The following GRAMD1C variants were observed in gnomAD, a reference collection of about 807,000 sequenced individuals.
The protein encoded by GRAMD1C is GRAM domain containing 1C.
A neutral mutation model predicts 97.8 loss-of-function variants in GRAMD1C; 89 were observed. That is an observed-to-expected ratio of 0.91 (90% CI 0.77 to 1.09). The LOEUF (loss-of-function observed/expected upper bound fraction) is 1.09, where lower values mean the gene tolerates loss of function less well. Ranked by LOEUF, GRAMD1C falls within the 50% of genes least tolerant of loss-of-function variation. The pLI is 0.00. For missense variants in GRAMD1C, 740 were observed against 766.4 expected, an observed-to-expected ratio of 0.97 and a Z score of 0.41; for synonymous variants, 256 against 267.0, an observed-to-expected ratio of 0.96 and a Z score of 0.40.
rs1559817999 is a variant in GRAMD1C at position 113,924,090 on chromosome 3, G to GT, written c.1091-6624_1091-6623insT. 1.6e-3 allele frequency among the ~76,000 whole-genome samples: 179 copies of GT among 113,718 alleles called. 1 individual carries two copies. Among genetic ancestry groups the GT allele is most frequent in the African/African-American group, 4.8e-3 (165 of 34,110 alleles). 74.6% of individuals were successfully genotyped at this position (113,718 alleles called of 152,430 possible). Reference sequence around the variant, plus strand: ...TAGAGGTGTTCATAATAGTCTCTGGGGTTTTTTTTTTTTTTTCTGTGGGGT... The same window carrying GT: ...TAGAGGTGTTCATAATAGTCTCTGGGTGTTTTTTTTTTTTTTTCTGTGGGGT... On this transcript the variant is annotated intron_variant, in intron 10 of 17. Transcript: ENST00000358160.
chr3:113,849,466 G>C (rs1332806881), intron 2 of GRAMD1C, among the ~76,000 whole-genome samples: 1 of 151,556 alleles, frequency 6.6e-6, no homozygotes, highest in African/African-American at 2.4e-5. Context: ...TGTGTCCCTG[G>C]GTACTTGAGA....
At chr3:113,856,887 T>G (rs562723266) in intron 2 of GRAMD1C, among the ~76,000 whole-genome samples, 2 of 150,900 alleles carry the variant, frequency 1.3e-5, no homozygotes, top group African/African-American at 4.9e-5. Flanking sequence ...TTGCCCAGAC[T>G]GGAGTGCTGT....
intron 2 of GRAMD1C, among the ~76,000 whole-genome samples, chr3:113,849,294 TA>T (rs1404405539): frequency 3.2e-4 from 48 of 150,234 alleles, no homozygotes; most frequent in South Asian, 6.3e-4. Context: ...TTTATTTATT[TA>T]TTTATTTATT....
intron 10 of GRAMD1C, among the ~76,000 whole-genome samples, chr3:113,916,716 T>A (rs1477590902): frequency 6.6e-6 from 1 of 152,182 alleles, no homozygotes; most frequent in Non-Finnish European, 1.5e-5. Flanking sequence ...AGCTGTACAC[T>A]TGAGATTGCA....
intron 9 of GRAMD1C, 141 bp downstream of exon 9, chr3:113,909,261 T>G (rs1936477839): frequency 9.4e-6 from 4 of 425,734 alleles, no homozygotes; most frequent in Non-Finnish European, 1.6e-5. Flanking sequence ...GAATGGGAGC[T>G]TATAGAAAAT....
chr3:113,936,351 A>C lies in GRAMD1C; in HGVS notation c.1542A>C (p.Arg514=). Residue 514 remains arginine (R), a synonymous_variant, in exon 14 of 18, where the codon CGA becomes CGC. Transcript: ENST00000358160. The part of the protein sequence containing the change: ...GKLTGLRRRR[R]TFNRTAETVP... ...TTACTGGCCTACGAAGGAGAAGGCGAACCTTCAACCGAACAGCAGAAACAG... is the reference window on the plus strand; with the variant it reads ...TTACTGGCCTACGAAGGAGAAGGCGCACCTTCAACCGAACAGCAGAAACAG... 6.2e-7 allele frequency: 1 copy of C among 1,612,756 alleles called. No homozygotes were observed. Among genetic ancestry groups the C allele is most frequent in the Non-Finnish European group, 8.5e-7 (1 of 1,178,758 alleles).
chr3:113,871,808 G>T (rs561381460), intron 3 of GRAMD1C, among the ~76,000 whole-genome samples: 1 of 150,588 alleles, frequency 6.6e-6, no homozygotes, highest in Non-Finnish European at 1.5e-5. Flanking sequence ...GGACATGGTG[G>T]CATGCACCTG....
chr3:113,854,361 A>G (rs1052904993), intron 2 of GRAMD1C, among the ~76,000 whole-genome samples: 2 of 152,138 alleles, frequency 1.3e-5, no homozygotes, highest in African/African-American at 4.8e-5. Flanking sequence ...GGACTCTCCA[A>G]TGTTCAAAAC....
At chr3:113,908,140 G>A (rs78441759) in intron 8 of GRAMD1C, among the ~76,000 whole-genome samples, 6,171 of 152,258 alleles carry the variant, frequency 0.041, 153 homozygotes, top group Middle Eastern at 0.082. Flanking sequence ...GGGACAGGAA[G>A]TAAAGTGCTC....
Position 113,920,020 on chromosome 3 carries a change from T to A in GRAMD1C, c.1090+4182T>A. ...AACAATCAGATGTGAACCAAAAAGT[T>A]TCAGTAAGGTACTTTTTGAATTTAG... On this transcript the variant is annotated intron_variant, in intron 10 of 17. Transcript: ENST00000358160. 4 of 774,558 alleles carry A rather than the reference T, an allele frequency of 5.2e-6. No individual in the cohort carries two copies. In the South Asian group the frequency reaches 5.9e-5, roughly 11 times the overall value. The allele number at this position is 774,558 out of a possible 1,614,324, so 48.0% of individuals were successfully genotyped here.
chr3:113,915,400 C>T (rs1936773583), intron 9 of GRAMD1C, among the ~76,000 whole-genome samples: 3 of 151,994 alleles, frequency 2.0e-5, no homozygotes, highest in Admixed American at 6.6e-5. Context: ...ATATTATGGC[C>T]ATTTGATACC....
chr3:113,844,323 A>C (rs1933511062), intron 1 of GRAMD1C, among the ~76,000 whole-genome samples, 180 bp from the exon 2 acceptor site: 1 of 152,188 alleles, frequency 6.6e-6, no homozygotes, highest in Admixed American at 6.5e-5. Context: ...ATTTAAAAAA[A>C]ATAAAAATAA....
chr3:113,856,523 T>TTATGTATGTATG lies in GRAMD1C; in HGVS notation c.174+11886_174+11897dup, dbSNP rs10660348. On this transcript the variant is annotated intron_variant, in intron 2 of 17. Coordinates refer to ENST00000358160, the MANE Select transcript of GRAMD1C (RefSeq NM_017577.5). ...CTGTTCTCCAGATTTATTTATTTCT[T>TTATGTATGTATG]TATGTATGTATGTATGTATGTATTT... 3.3e-5 allele frequency among the ~76,000 whole-genome samples: 5 copies of TTATGTATGTATG among 150,924 alleles called. No individual in the cohort carries two copies. The East Asian group carries it at 7.8e-4, about 24-fold the overall frequency.
chr3:113,889,007 C>T (rs975266681), intron 6 of GRAMD1C, among the ~76,000 whole-genome samples: 3 of 152,158 alleles, frequency 2.0e-5, no homozygotes, highest in African/African-American at 7.2e-5. Context: ...TCGAGACCAG[C>T]CTGACCAATA....
chr3:113,895,845 C>A (rs1935920164), intron 6 of GRAMD1C, among the ~76,000 whole-genome samples: 1 of 152,126 alleles, frequency 6.6e-6, no homozygotes. Context: ...TAGTTGGTCA[C>A]CAAGGTCATC....
upstream of GRAMD1C, among the ~76,000 whole-genome samples, chr3:113,834,878 T>C (rs1709613219): frequency 6.6e-6 from 1 of 151,242 alleles, no homozygotes; most frequent in South Asian, 2.1e-4. Flanking sequence ...AGGTGGAGTT[T>C]GCAGTGAACT....
intron 6 of GRAMD1C, among the ~76,000 whole-genome samples, chr3:113,884,298 C>T (rs114339696): frequency 0.014 from 2,128 of 152,052 alleles, 31 homozygotes; most frequent in Non-Finnish European, 0.023. Flanking sequence ...AAATAAATAA[C>T]GAAGGACATT....
intron 1 of GRAMD1C, among the ~76,000 whole-genome samples, chr3:113,843,049 G>GTTTTTTTTTTTTTTTTTT (rs71144092): frequency 4.5e-4 from 24 of 53,420 alleles, no homozygotes; most frequent in East Asian, 1.3e-3. Flanking sequence ...ACCATAAGCT[G>GTTTTTTTTTTTTTTTTTT]TTTTTTTTTT....
At chr3:113,931,233 G>A (rs1937406423) in intron 11 of GRAMD1C, among the ~76,000 whole-genome samples, 1 of 152,170 alleles carries the variant, frequency 6.6e-6, no homozygotes, top group African/African-American at 2.4e-5. Context: ...GCAGAGGATG[G>A]TGATAGAGGC....
Sources: allele counts gnomAD v4.1 joint callset (sites outside exome capture counted in the v4.1 genomes callset), GRCh38; gene constraint gnomAD v4.1.1; transcripts MANE v1.5; gene names NCBI Gene and HGNC (gene_info 2026-07-23, HGNC 2026-07-21).